FHIT: variants seen among roughly 807,000 people sequenced by gnomAD.
FHIT encodes fragile histidine triad diadenosine triphosphatase.
Under a neutral mutation model 17.9 loss-of-function variants are expected in FHIT, and 19 were observed. The observed-to-expected ratio is 1.06, with a 90% CI of 0.74 to 1.56. The LOEUF is 1.56. Ranked by LOEUF, FHIT falls within the 40% of genes most tolerant of loss-of-function variation. The probability of loss-of-function intolerance (pLI) is 0.00; values close to 1 mark genes in which losing one functional copy is unlikely to be tolerated. For synonymous variants in FHIT, 81 were observed against 69.7 expected (o/e 1.16, Z -0.81); for missense variants, 248 against 189.2 (o/e 1.31, Z -1.82).
intron 7 of FHIT, among the ~76,000 whole-genome samples, chr3:59,986,051 C>T (rs3821481): frequency 0.36 from 54,849 of 151,858 alleles, 10,802 homozygotes; most frequent in East Asian, 0.53. Context: ...CCTTTGCGGT[C>T]TGCACATGTC....
intron 3 of FHIT, among the ~76,000 whole-genome samples, chr3:61,022,765 G>A (rs2032518022): frequency 6.6e-6 from 1 of 152,146 alleles, no homozygotes; most frequent in African/African-American, 2.4e-5. Context: ...CTCAATAGAT[G>A]CAGAAAAGGC....
chr3:60,208,827 C>T (rs1703318338), intron 5 of FHIT, among the ~76,000 whole-genome samples: 1 of 152,088 alleles, frequency 6.6e-6, no homozygotes, highest in African/African-American at 2.4e-5. Context: ...ATCAGAGAGC[C>T]ATTTAGCTCT....
rs569152012 is a variant in FHIT at position 60,494,230 on chromosome 3, C to T, written c.103+42630G>A. ...TACATTCCCCACTACCCACTCCTAA[C>T]CCCTGGTACCACTAATCTGCTACCT... On this transcript the variant is annotated intron_variant, in intron 5 of 9. Coordinates refer to ENST00000492590, the MANE Select transcript of FHIT (RefSeq NM_002012.4). Among the ~76,000 whole-genome samples the T allele has an allele frequency of 3.1e-4, 47 of 152,316 alleles. No individual in the cohort carries two copies. The South Asian group carries it at 8.9e-3, about 29-fold the overall frequency.
At chr3:61,057,565 A>C (rs1027221114) in intron 2 of FHIT, among the ~76,000 whole-genome samples, 18 of 152,350 alleles carry the variant, frequency 1.2e-4, no homozygotes, top group African/African-American at 4.3e-4. Context: ...TAATGACTGT[A>C]ACTTTTATTA....
At chr3:59,828,156 A>G (rs1701038729) in intron 8 of FHIT, among the ~76,000 whole-genome samples, 1 of 152,262 alleles carries the variant, frequency 6.6e-6, no homozygotes, top group Non-Finnish European at 1.5e-5. Flanking sequence ...TAAGGCAAAG[A>G]AATAGTGGTT....
chr3:61,244,978 T>C lies in FHIT; in HGVS notation c.-213+6323A>G, dbSNP rs374035415. On this transcript the variant is annotated intron_variant, in intron 1 of 9. Transcript: ENST00000492590. ...GGGGAGTCAACCAAGAACCTGAGGG[T>C]GAGGAAAAGATACTTCTCCTCCCCG... Among the ~76,000 whole-genome samples the C allele has an allele frequency of 1.1e-4, 17 of 152,200 alleles. No homozygotes were observed. The East Asian group carries it at 1.5e-3, about 14-fold the overall frequency.
chr3:60,211,690 A>T (rs972859447), intron 5 of FHIT, among the ~76,000 whole-genome samples: 1 of 152,128 alleles, frequency 6.6e-6, no homozygotes, highest in Non-Finnish European at 1.5e-5. Context: ...TAAATCAAAG[A>T]ATTATGATGG....
Position 61,227,301 on chromosome 3 carries a change from A to T in FHIT, c.-213+24000T>A, listed in dbSNP as rs557496880. On this transcript the variant is annotated intron_variant, in intron 1 of 9. Coordinates refer to ENST00000492590, the MANE Select transcript of FHIT (RefSeq NM_002012.4). Reference sequence around the variant, plus strand: ...TCCCTAGTTTAGAAAATTAATTTTTAAAAAAAATTTTTAAACATTAGTATA... The same window carrying T: ...TCCCTAGTTTAGAAAATTAATTTTTTAAAAAAATTTTTAAACATTAGTATA... Among the ~76,000 whole-genome samples the T allele has an allele frequency of 1.1e-3, 166 of 152,280 alleles. 2 individuals are homozygous for T. Among genetic ancestry groups the T allele is most frequent in the South Asian group, 6.2e-3 (30 of 4,808 alleles).
intron 5 of FHIT, among the ~76,000 whole-genome samples, chr3:60,523,673 A>T (rs1444306503): frequency 6.6e-6 from 1 of 152,116 alleles, no homozygotes; most frequent in Admixed American, 6.5e-5. Context: ...ATCAAATCTC[A>T]TGAGCCGACG....
At chr3:60,500,556 G>A (rs541125158) in intron 5 of FHIT, among the ~76,000 whole-genome samples, 10 of 152,006 alleles carry the variant, frequency 6.6e-5, no homozygotes, top group Admixed American at 2.0e-4. Context: ...GATCATTTGA[G>A]GTCAGGAGTT....
At chr3:60,096,252 A>G (rs914261697) in intron 5 of FHIT, among the ~76,000 whole-genome samples, 5 of 152,070 alleles carry the variant, frequency 3.3e-5, no homozygotes, top group African/African-American at 4.8e-5. Context: ...TTGAGTGATG[A>G]AAACAGCTTT....
intron 3 of FHIT, among the ~76,000 whole-genome samples, chr3:60,946,299 G>T (rs1553775793): frequency 6.6e-6 from 1 of 152,118 alleles, no homozygotes; most frequent in Admixed American, 6.5e-5. Context: ...GGTTAGCATG[G>T]CATTTCATAA....
intron 5 of FHIT, among the ~76,000 whole-genome samples, chr3:60,092,236 G>A (rs1240875767): frequency 1.3e-5 from 2 of 152,110 alleles, no homozygotes; most frequent in Non-Finnish European, 2.9e-5. Context: ...TTTCATAATT[G>A]TAACTGGTTT....
chr3:60,133,808 C>T (rs1699697636), intron 5 of FHIT, among the ~76,000 whole-genome samples: 2 of 150,580 alleles, frequency 1.3e-5, no homozygotes, highest in African/African-American at 4.9e-5. Context: ...GTACTTCATG[C>T]TCATGACTAT....
At chr3:60,822,403 TTCTC>T (rs1444452887) in intron 3 of FHIT, among the ~76,000 whole-genome samples, 6 of 152,110 alleles carry the variant, frequency 3.9e-5, no homozygotes, top group African/African-American at 1.4e-4. Flanking sequence ...GGAAGAGTCT[TTCTC>T]TGGTTTTCTG....
intron 1 of FHIT, among the ~76,000 whole-genome samples, chr3:61,226,992 G>A (rs537779262): frequency 9.2e-5 from 14 of 152,202 alleles, no homozygotes; most frequent in South Asian, 2.1e-4. Flanking sequence ...GAAAAAAAAC[G>A]AAGTAGAAGG....
chr3:60,255,743 C>G (rs1230307546), intron 5 of FHIT, among the ~76,000 whole-genome samples: 1 of 152,058 alleles, frequency 6.6e-6, no homozygotes, highest in Non-Finnish European at 1.5e-5. Flanking sequence ...TAGTCTGCAG[C>G]CTTAGATGGA....
At chr3:61,009,991 C>T (rs1410833596) in intron 3 of FHIT, among the ~76,000 whole-genome samples, 1 of 152,144 alleles carries the variant, frequency 6.6e-6, no homozygotes, top group East Asian at 1.9e-4. Context: ...AGAAGATTTA[C>T]ATTAACAATC....
At position 60,052,945 on chromosome 3, in the gene FHIT, C is replaced by A. The variant is rs574660912; in HGVS notation, c.104-38793G>T. Among the ~76,000 whole-genome samples the A allele has an allele frequency of 1.3e-4, 20 of 151,978 alleles. 1 individual carries two copies. Among genetic ancestry groups the A allele is most frequent in the Admixed American group, 1.0e-3 (16 of 15,246 alleles). ...GGCAGTTAAACCTGCCAGCCCAAAG[C>A]ACTTAAAATATAAAATTACACTTAA... On this transcript the variant is annotated intron_variant, in intron 5 of 9. Coordinates refer to ENST00000492590, the MANE Select transcript of FHIT (RefSeq NM_002012.4).
Sources: gnomAD v4.1 joint callset for allele counts (sites outside exome capture counted in the v4.1 genomes callset) on GRCh38, gnomAD v4.1.1 for gene constraint, MANE v1.5 for transcripts, NCBI Gene and HGNC (gene_info 2026-07-23, HGNC 2026-07-21) for gene names.